CRPPA: variants seen among roughly 807,000 people sequenced by gnomAD.
CRPPA encodes the protein CDP-L-ribitol pyrophosphorylase A.
In CRPPA, 43 loss-of-function variants were observed where a neutral mutation model predicts 52.0. The observed-to-expected ratio is 0.83, with a 90% CI of 0.65 to 1.07. The LOEUF (loss-of-function observed/expected upper bound fraction) is 1.07, where lower values mean the gene tolerates loss of function less well. CRPPA is among the 50% of genes least tolerant of loss of function. The pLI, the probability that CRPPA is intolerant of heterozygous loss-of-function variation, is 0.00. For synonymous variants in CRPPA, 250 were observed against 203.5 expected (o/e 1.23, Z -1.94); for missense variants, 629 against 551.7 (o/e 1.14, Z -1.40).
At chr7:16,356,170 T>A (rs1786289684) in intron 3 of CRPPA, among the ~76,000 whole-genome samples, 1 of 152,224 alleles carries the variant, frequency 6.6e-6, no homozygotes. Context: ...AATACTTTAC[T>A]AGGCACTGAA....
chr7:16,322,359 T>C (rs976679051), intron 3 of CRPPA, among the ~76,000 whole-genome samples: 5 of 152,094 alleles, frequency 3.3e-5, no homozygotes, highest in Admixed American at 6.5e-5. Flanking sequence ...AAGCATGAAC[T>C]GGCATCTTTA....
intron 4 of CRPPA, among the ~76,000 whole-genome samples, chr7:16,302,457 C>T (rs753647808): frequency 1.3e-5 from 2 of 152,030 alleles, no homozygotes; most frequent in Non-Finnish European, 2.9e-5. Context: ...CATTGTGTTG[C>T]AGAATTAATT....
chr7:16,158,942 T>C (rs1783243047), intron 9 of CRPPA, among the ~76,000 whole-genome samples: 1 of 145,708 alleles, frequency 6.9e-6, no homozygotes, highest in Admixed American at 6.7e-5. Flanking sequence ...TTGTGTTTTG[T>C]TTTTATTTGT....
chr7:16,158,190 A>T (rs1783227488), intron 9 of CRPPA, among the ~76,000 whole-genome samples: 1 of 151,864 alleles, frequency 6.6e-6, no homozygotes, highest in African/African-American at 2.4e-5. Flanking sequence ...GGCCAAATGT[A>T]GATATTTCTG....
chr7:16,397,338 CCAA>C (rs1181740719), intron 2 of CRPPA, among the ~76,000 whole-genome samples: 2 of 152,296 alleles, frequency 1.3e-5, no homozygotes, highest in South Asian at 2.1e-4. Flanking sequence ...TGTGACATGA[CCAA>C]CATGTGTTAC....
intron 3 of CRPPA, among the ~76,000 whole-genome samples, chr7:16,315,725 GT>G (rs1785130925): frequency 6.8e-6 from 1 of 147,744 alleles, no homozygotes; most frequent in Non-Finnish European, 1.5e-5. Context: ...TCATAAGACT[GT>G]GGGGGCTCCC....
At chr7:16,180,943 G>A (rs78057051) in intron 9 of CRPPA, among the ~76,000 whole-genome samples, 1,556 of 151,956 alleles carry the variant, frequency 0.01, 24 homozygotes, top group African/African-American at 0.035. Context: ...TATATAAAAA[G>A]GAAAATCTGT....
chr7:16,397,929 G>A (rs183599842), intron 2 of CRPPA, among the ~76,000 whole-genome samples: 1 of 152,296 alleles, frequency 6.6e-6, no homozygotes, highest in Admixed American at 6.5e-5. Flanking sequence ...CAACTGGCAG[G>A]TGATTGACAC....
chr7:16,247,275 G>A (rs943298143), intron 8 of CRPPA, among the ~76,000 whole-genome samples: 1 of 152,172 alleles, frequency 6.6e-6, no homozygotes, highest in African/African-American at 2.4e-5. Context: ...CTCTAAATTA[G>A]GCTTTGTATC....
At chr7:16,411,039 A>G (rs1482657947) in intron 1 of CRPPA, among the ~76,000 whole-genome samples, 1 of 152,204 alleles carries the variant, frequency 6.6e-6, no homozygotes, top group Non-Finnish European at 1.5e-5. Flanking sequence ...AGAAAGCAAA[A>G]ACTATGTCCC....
chr7:16,216,075 A>G lies in CRPPA; in HGVS notation c.1242T>C (p.Ser414=). 1 of 1,586,628 alleles carries G rather than the reference A, an allele frequency of 6.3e-7. No homozygotes were observed. ...RNILLYGLLI[S]YPQDDQKLQE... Reference sequence around the variant, plus strand: ...TAAACATTTTACCTACCTGTGGGTAAGATATGAGAAGCCCATATAACAAAA... The same window carrying G: ...TAAACATTTTACCTACCTGTGGGTAGGATATGAGAAGCCCATATAACAAAA... The change falls in exon 9 of 10, where the codon TCT becomes TCC. Residue 414 remains serine (S), a synonymous_variant. Coordinates refer to ENST00000407010, the MANE Select transcript of CRPPA (RefSeq NM_001101426.4).
At chr7:16,322,575 A>G (rs1785285903) in intron 3 of CRPPA, among the ~76,000 whole-genome samples, 2 of 152,196 alleles carry the variant, frequency 1.3e-5, no homozygotes, top group Admixed American at 6.5e-5. Context: ...AATTCCAGGA[A>G]GCAGAGAACT....
At chr7:16,343,173 G>A (rs2428687) in intron 3 of CRPPA, among the ~76,000 whole-genome samples, 95,704 of 151,904 alleles carry the variant, frequency 0.63, 30,438 homozygotes, top group South Asian at 0.79. Context: ...CATAAAAGTC[G>A]TGAGAACTTT....
At chr7:16,268,757 TAC>T (rs1463321126) in intron 6 of CRPPA, 1 of 152,132 alleles carries the variant, frequency 6.6e-6, no homozygotes, top group Non-Finnish European at 1.5e-5. Flanking sequence ...GTCTACAGAA[TAC>T]ATTTTAAAAA....
At chr7:16,379,460 C>A (rs1787011010) in intron 2 of CRPPA, among the ~76,000 whole-genome samples, 1 of 152,138 alleles carries the variant, frequency 6.6e-6, no homozygotes, top group Non-Finnish European at 1.5e-5. Context: ...TTAGGATTGA[C>A]TTGGCAATGT....
At chr7:16,294,571 C>T (rs995915105) in intron 5 of CRPPA, among the ~76,000 whole-genome samples, 4 of 151,896 alleles carry the variant, frequency 2.6e-5, no homozygotes, top group African/African-American at 9.7e-5. Context: ...AATGTTCTCA[C>T]AGATTCACAA....
chr7:16,166,529 C>G (rs183920564), intron 9 of CRPPA, among the ~76,000 whole-genome samples: 12 of 152,302 alleles, frequency 7.9e-5, no homozygotes, highest in African/African-American at 2.9e-4. Context: ...ATCCACCCCC[C>G]TCAATCTCTC....
chr7:16,127,460 T>C (rs1228503621), intron 9 of CRPPA, among the ~76,000 whole-genome samples: 1 of 152,034 alleles, frequency 6.6e-6, no homozygotes, highest in African/African-American at 2.4e-5. Flanking sequence ...TAGAGTATAA[T>C]AAGTAGTTGG....
chr7:16,384,021 T>G (rs1267649013), intron 2 of CRPPA, among the ~76,000 whole-genome samples: 1 of 152,186 alleles, frequency 6.6e-6, no homozygotes, highest in Non-Finnish European at 1.5e-5. Context: ...GCCCACTGTC[T>G]GGCACTCCCT....
Sources: gnomAD v4.1 joint callset for allele counts (sites outside exome capture counted in the v4.1 genomes callset) on GRCh38, gnomAD v4.1.1 for gene constraint, MANE v1.5 for transcripts, NCBI Gene and HGNC (gene_info 2026-07-23, HGNC 2026-07-21) for gene names.